Variants in TMEM26 observed in about 807,000 individuals in gnomAD.
TMEM26 encodes transmembrane protein 26.
Under a neutral mutation model 28.8 loss-of-function variants are expected in TMEM26, and 38 were observed. The observed-to-expected ratio is 1.32, with a 90% CI of 1.02 to 1.73. The LOEUF is 1.73. TMEM26 is among the 40% of genes most tolerant of loss of function. The probability of loss-of-function intolerance (pLI) is 0.00; values close to 1 mark genes in which losing one functional copy is unlikely to be tolerated. For synonymous variants in TMEM26, 227 were observed against 182.9 expected (o/e 1.24, Z -1.95); for missense variants, 518 against 447.1 (o/e 1.16, Z -1.43).
intron 1 of TMEM26, among the ~76,000 whole-genome samples, chr10:61,438,927 T>C (rs1309923613): frequency 1.3e-5 from 2 of 152,140 alleles, no homozygotes; most frequent in Non-Finnish European, 2.9e-5. Flanking sequence ...TTTGACCTAA[T>C]GAAGAAAGGG....
intron 4 of TMEM26, among the ~76,000 whole-genome samples, chr10:61,421,101 T>C (rs1467671068): frequency 6.6e-6 from 1 of 152,024 alleles, no homozygotes; most frequent in Non-Finnish European, 1.5e-5. Context: ...TGGAGCCATA[T>C]TGTTAGGCTT....
intron 1 of TMEM26, among the ~76,000 whole-genome samples, chr10:61,443,649 A>T (rs967487266): frequency 6.6e-6 from 1 of 152,228 alleles, no homozygotes; most frequent in Admixed American, 6.5e-5. Context: ...CAGATTTTGT[A>T]AAGAGAAGAT....
intron 1 of TMEM26, among the ~76,000 whole-genome samples, chr10:61,446,854 T>TAAAAAAAAAAAAAAAA (rs1840191839): frequency 2.0e-4 from 16 of 78,336 alleles, no homozygotes; most frequent in African/African-American, 8.7e-4. Flanking sequence ...AAAAAAAAAT[T>TAAAAAAAAAAAAAAAA]AAAAATGCTT....
Position 61,418,360 on chromosome 10 carries a change from A to T in TMEM26, c.606-4825T>A, listed in dbSNP as rs549357073. ...GGGCTCCATCTTTCTTTAAGACTGC[A>T]TTTTAAACAGATGGCTCCCAGGTCC... is the stretch of plus-strand genomic sequence containing the variant. On this transcript the variant is annotated intron_variant, in intron 4 of 5. Coordinates refer to ENST00000399298, the MANE Select transcript of TMEM26 (RefSeq NM_178505.8). Among the ~76,000 whole-genome samples the T allele has an allele frequency of 1.0e-3, 154 of 152,114 alleles. 2 individuals are homozygous for T. The highest frequency in any genetic ancestry group is 4.1e-4 in the Non-Finnish European group (28 of 67,948).
chr10:61,420,324 T>G (rs1025335284), intron 4 of TMEM26, among the ~76,000 whole-genome samples: 2 of 152,108 alleles, frequency 1.3e-5, no homozygotes, highest in East Asian at 3.9e-4. Context: ...AGAGGCTGGT[T>G]GGTCTTGCTA....
Position 61,432,800 on chromosome 10 carries a change from A to G in TMEM26, c.271-1468T>C, listed in dbSNP as rs183673986. Among the ~76,000 whole-genome samples, 3 of 152,288 alleles carry G rather than the reference A, an allele frequency of 2.0e-5. No homozygotes were observed. The East Asian group carries it at 5.8e-4, about 29-fold the overall frequency. ...ACTCTCTTTCCAAACGACTAGTATT[A>G]TGGTTGAAATGACAAGAATAATTAA... On this transcript the variant is annotated intron_variant, in intron 2 of 5. Coordinates refer to ENST00000399298, the MANE Select transcript of TMEM26 (RefSeq NM_178505.8).
chr10:61,438,845 C>CG (rs1840047990), intron 1 of TMEM26, among the ~76,000 whole-genome samples: 1 of 152,176 alleles, frequency 6.6e-6, no homozygotes, highest in African/African-American at 2.4e-5. Flanking sequence ...TTACAACTGA[C>CG]TGTGTATTTT....
chr10:61,416,018 T>C, intron 4 of TMEM26: 1 of 407,570 alleles, frequency 2.5e-6, no homozygotes, highest in South Asian at 1.9e-5. Context: ...AATTCAAATT[T>C]CATCACAATA....
chr10:61,437,249 A>G (rs1232727167), intron 1 of TMEM26, among the ~76,000 whole-genome samples: 2 of 152,138 alleles, frequency 1.3e-5, no homozygotes, highest in African/African-American at 2.4e-5. Flanking sequence ...TGACCAAATT[A>G]ATCTCCAAAT....
chr10:61,428,497 C>T (rs1458234005), intron 4 of TMEM26, among the ~76,000 whole-genome samples: 6 of 152,072 alleles, frequency 3.9e-5, no homozygotes. Context: ...TCCATGTCTT[C>T]TCTCAGTGCT....
intron 2 of TMEM26, among the ~76,000 whole-genome samples, chr10:61,433,481 A>G (rs767878886): frequency 6.6e-6 from 1 of 152,180 alleles, no homozygotes; most frequent in Non-Finnish European, 1.5e-5. Flanking sequence ...GGGTCCAACA[A>G]GACTGTGACA....
chr10:61,426,734 T>C (rs1564476522), intron 4 of TMEM26, among the ~76,000 whole-genome samples: 1 of 152,102 alleles, frequency 6.6e-6, no homozygotes, highest in Non-Finnish European at 1.5e-5. Context: ...TTCTATTAGA[T>C]ATAAATATCT....
At position 61,410,249 on chromosome 10, in the gene TMEM26, G is replaced by C; in HGVS notation, c.*73C>G. The C allele has an allele frequency of 6.9e-7, 1 of 1,441,772 alleles. No homozygotes were observed. The highest frequency in any genetic ancestry group is 1.4e-5 in the African/African-American group (1 of 70,332). 89.3% of individuals were successfully genotyped at this position (1,441,772 alleles called of 1,614,324 possible). A position where few individuals can be genotyped will look rare whatever the true frequency, so the allele number is the denominator to read the frequency against. On this transcript the variant is annotated 3_prime_UTR_variant, in exon 6 of 6. Coordinates refer to ENST00000399298, the MANE Select transcript of TMEM26 (RefSeq NM_178505.8). The stretch of plus-strand genomic sequence containing the variant: ...AAAATTATTATACGCCAAGGTTGGA[G>C]GAGAAAAAGGATCCTCCCTGTAAGA...
intron 2 of TMEM26, 126 bp from the exon 3 acceptor site, chr10:61,431,458 A>T (rs1424354660): frequency 1.7e-6 from 1 of 592,526 alleles, no homozygotes; most frequent in Non-Finnish European, 2.9e-6. Context: ...CATATATATA[A>T]ACATTTCCAA....
Position 61,411,852 on chromosome 10 carries a change from C to T in TMEM26, c.683-1106G>A, listed in dbSNP as rs1839574176. ...ACTGGAGCCTGCAAATATTATGAAGCTGCTTTGATATGGATAAACATAATG... is the reference window on the plus strand; with the variant it reads ...ACTGGAGCCTGCAAATATTATGAAGTTGCTTTGATATGGATAAACATAATG... On this transcript the variant is annotated intron_variant, in intron 5 of 5. Transcript: ENST00000399298. 2.0e-5 allele frequency among the ~76,000 whole-genome samples: 3 copies of T among 152,116 alleles called. No individual in the cohort carries two copies. In the South Asian group the frequency reaches 6.2e-4, roughly 32 times the overall value.
At chr10:61,425,795 G>A (rs1049672060) in intron 4 of TMEM26, among the ~76,000 whole-genome samples, 1 of 152,148 alleles carries the variant, frequency 6.6e-6, no homozygotes, top group Non-Finnish European at 1.5e-5. Flanking sequence ...GAAAAGGATG[G>A]TTGATAAGGA....
chr10:61,445,473 C>T (rs2135334278), intron 1 of TMEM26, among the ~76,000 whole-genome samples: 1 of 152,278 alleles, frequency 6.6e-6, no homozygotes, highest in South Asian at 2.1e-4. Context: ...TGTACATTAT[C>T]TACCTCTTTG....
intron 4 of TMEM26, among the ~76,000 whole-genome samples, chr10:61,427,706 C>T (rs535421498): frequency 3.3e-5 from 5 of 152,204 alleles, no homozygotes; most frequent in South Asian, 2.1e-4. Flanking sequence ...TATGTTCCCT[C>T]CCAACTCCCT....
At chr10:61,433,255 T>C (rs997875790) in intron 2 of TMEM26, among the ~76,000 whole-genome samples, 2 of 152,146 alleles carry the variant, frequency 1.3e-5, no homozygotes, top group African/African-American at 4.8e-5. Flanking sequence ...TATAGATTTA[T>C]GAGATTTTCC....
Sources: gnomAD v4.1 joint callset for allele counts (sites outside exome capture counted in the v4.1 genomes callset) on GRCh38, gnomAD v4.1.1 for gene constraint, MANE v1.5 for transcripts, NCBI Gene and HGNC (gene_info 2026-07-23, HGNC 2026-07-21) for gene names.